The following SLC38A3 variants were observed in gnomAD, a reference collection of about 807,000 sequenced individuals.
SLC38A3 encodes the protein solute carrier family 38 member 3, also known as sodium-coupled neutral amino acid transporter 3.
A neutral mutation model predicts 59.5 loss-of-function variants in SLC38A3; 17 were observed. The ratio of observed to expected loss-of-function variants is 0.29; its 90% confidence interval spans 0.20 to 0.43. SLC38A3 has a LOEUF of 0.43. Ranked by LOEUF, SLC38A3 falls within the 20% of genes least tolerant of loss-of-function variation. The probability of loss-of-function intolerance (pLI) is 1.00; values close to 1 mark genes in which losing one functional copy is unlikely to be tolerated. For synonymous variants in SLC38A3, 238 were observed against 260.3 expected (o/e 0.91, Z 0.82); for missense variants, 454 against 653.9 (o/e 0.69, Z 3.33).
intron 1 of SLC38A3, among the ~76,000 whole-genome samples, chr3:50,211,784 T>TACTAG (rs762053331): frequency 6.6e-6 from 1 of 151,894 alleles, no homozygotes; most frequent in Non-Finnish European, 1.5e-5. Flanking sequence ...ATGGGGTTTT[T>TACTAG]CCATGTTGGT....
In SLC38A3 at chr3:50,214,036, G is replaced by C; in HGVS notation, c.-51-113G>C. 1 of 636,616 alleles carries C rather than the reference G, an allele frequency of 1.6e-6. No individual in the cohort carries two copies. The allele number at this position is 636,616 out of a possible 1,614,324, so 39.4% of individuals were successfully genotyped here. The stretch of plus-strand genomic sequence containing the variant: ...GGCAGTAGGCAGAGCTGCATGTGTG[G>C]ATATGCCCCGAGTGACCATCTGGGA... On this transcript the variant is annotated intron_variant, in intron 1 of 15. Coordinates refer to ENST00000614032, the MANE Select transcript of SLC38A3 (RefSeq NM_006841.6). This position sits in a 1 kb window ranked among gnomAD's most constrained non-coding sequence, Gnocchi z 6.0.
Position 50,215,468 on chromosome 3 carries a change from C to T in SLC38A3, c.373+9C>T. 1.9e-6 allele frequency: 3 copies of T among 1,613,934 alleles called. No individual in the cohort carries two copies. The highest frequency in any genetic ancestry group is 2.5e-6 in the Non-Finnish European group (3 of 1,179,836). On this transcript the variant is annotated intron_variant, in intron 5 of 15. Coordinates refer to ENST00000614032, the MANE Select transcript of SLC38A3 (RefSeq NM_006841.6). This position sits in a 1 kb window ranked among gnomAD's most constrained non-coding sequence, Gnocchi z 7.1. ...GTCCTCAGGGGTCGTGGGTGAGCCT[C>T]ACACCAGCCTGGAATGGGCGGGAGC... is the stretch of plus-strand genomic sequence containing the variant.
At position 50,218,221 on chromosome 3, in the gene SLC38A3, C is replaced by A; in HGVS notation, c.936-49C>A. On this transcript the variant is annotated intron_variant, in intron 11 of 15. Transcript: ENST00000614032. This position sits in a 1 kb window ranked among gnomAD's most constrained non-coding sequence, Gnocchi z 5.8. Reference sequence around the variant, plus strand: ...GAGCTTGGGGCACATGGGGGTCTCCCAATGTTACCCAGCTTGTCACCAACA... The same window carrying A: ...GAGCTTGGGGCACATGGGGGTCTCCAAATGTTACCCAGCTTGTCACCAACA... The A allele has an allele frequency of 7.4e-7, 1 of 1,353,216 alleles. No individual in the cohort carries two copies. Among genetic ancestry groups the A allele is most frequent in the Non-Finnish European group, 1.1e-6 (1 of 942,720 alleles). 83.8% of individuals were successfully genotyped at this position (1,353,216 alleles called of 1,614,324 possible).
At position 50,218,617 on chromosome 3, in the gene SLC38A3, A is replaced by G. The variant is rs778802442; in HGVS notation, c.1061A>G (p.His354Arg). Residue 354 changes from histidine (H) to arginine (R), a missense_variant, in exon 13 of 16, where the codon CAC becomes CGC. Physicochemically the swap from His to Arg is conservative, Grantham distance 29 (BLOSUM62 0). This residue lies in a region of SLC38A3 where 390 missense variants were observed against 557.9 expected (regional missense o/e 0.70). Transcript: ENST00000614032. The surrounding 1 kb of genome is among the most constrained non-coding windows in gnomAD (Gnocchi z 5.8). ...FYNGVESELL[H>R]TYSKVDPFDV... ...GACGGGGTGGAGTCGGAGCTGCTGC[A>G]CACCTACAGCAAGGTGGACCCGTTT... 7 of 1,613,278 alleles carry G rather than the reference A, an allele frequency of 4.3e-6. No individual in the cohort carries two copies. The highest frequency in any genetic ancestry group is 5.9e-6 in the Non-Finnish European group (7 of 1,179,710).
chr3:50,220,188 A>T lies in SLC38A3; in HGVS notation c.*11A>T. On this transcript the variant is annotated 3_prime_UTR_variant, in exon 16 of 16. Coordinates refer to ENST00000614032, the MANE Select transcript of SLC38A3 (RefSeq NM_006841.6). ...GGAGGAAACCACTAGGGTGACCCTCATCCTGTTCTGTCTACTCACCCTAGC... is the reference window on the plus strand; with the variant it reads ...GGAGGAAACCACTAGGGTGACCCTCTTCCTGTTCTGTCTACTCACCCTAGC... The T allele has an allele frequency of 6.4e-7, 1 of 1,565,644 alleles. No individual in the cohort carries two copies. Among genetic ancestry groups the T allele is most frequent in the Non-Finnish European group, 8.7e-7 (1 of 1,151,664 alleles).
intron 1 of SLC38A3, among the ~76,000 whole-genome samples, chr3:50,211,385 G>A (rs1699724917): frequency 1.3e-5 from 2 of 152,122 alleles, no homozygotes; most frequent in South Asian, 4.1e-4. Flanking sequence ...TATCAGGTTT[G>A]TCTGTTGCCA....
Position 50,218,864 on chromosome 3 carries a change from G to A in SLC38A3, c.1222G>A (p.Val408Met), listed in dbSNP as rs1393808021. ...PNQEFSWLRH[V>M]LIAVGLLTCI... ...CCAGGAGTTCAGCTGGCTGCGGCAT[G>A]TGCTTATTGCCGTTGGCCTGCTCAC... Residue 408 changes from valine (V) to methionine (M), a missense_variant, in exon 14 of 16, where the codon GTG becomes ATG. By Grantham distance (21) the Val-to-Met change is conservative. This residue lies in a region of SLC38A3 where 390 missense variants were observed against 557.9 expected (regional missense o/e 0.70). Coordinates refer to ENST00000614032, the MANE Select transcript of SLC38A3 (RefSeq NM_006841.6). The surrounding 1 kb of genome is among the most constrained non-coding windows in gnomAD (Gnocchi z 5.8). 17 of 1,613,556 alleles carry A rather than the reference G, an allele frequency of 1.1e-5. No homozygotes were observed. Among genetic ancestry groups the A allele is most frequent in the Middle Eastern group, 3.3e-4 (2 of 6,084 alleles).
intron 14 of SLC38A3, among the ~76,000 whole-genome samples, chr3:50,219,413 A>G (rs1394506254): frequency 2.0e-5 from 3 of 152,176 alleles, no homozygotes; most frequent in Admixed American, 6.5e-5. Flanking sequence ...GGGTGATCCA[A>G]CTCAGAGGAC....
Position 50,219,915 on chromosome 3 carries a change from C to T in SLC38A3, c.1341C>T (p.Phe447=). 1 of 1,613,456 alleles carries T rather than the reference C, an allele frequency of 6.2e-7. No homozygotes were observed. Among genetic ancestry groups the T allele is most frequent in the Non-Finnish European group, 8.5e-7 (1 of 1,179,706 alleles). The change falls in exon 15 of 16, where the codon TTC becomes TTT. Residue 447 remains phenylalanine, a synonymous_variant. Coordinates refer to ENST00000614032, the MANE Select transcript of SLC38A3 (RefSeq NM_006841.6). ...CTGCCCCATTCCTCATCTTCATCTT[C>T]CCTGCCATCTTCTACTTCCGAATCA... ...ATSAPFLIFI[F]PAIFYFRIMP... is the part of the protein sequence containing the mutation.
chr3:50,211,587 T>C (rs1281685463), intron 1 of SLC38A3, among the ~76,000 whole-genome samples: 5 of 141,470 alleles, frequency 3.5e-5, no homozygotes, highest in South Asian at 2.4e-4. Context: ...TTTTTTTTTT[T>C]TTTTTTTTCT....
chr3:50,214,418 C>A lies in SLC38A3; in HGVS notation c.118C>A (p.Arg40=). The change falls in exon 3 of 16, where the codon CGG becomes AGG. Residue 40 remains arginine (R), a synonymous_variant. Transcript: ENST00000614032. The surrounding 1 kb of genome is among the most constrained non-coding windows in gnomAD (Gnocchi z 6.0). ...AGNQRVEDPA[R]SCMEGKSFLQ... is the part of the protein sequence containing the mutation. The stretch of plus-strand genomic sequence containing the variant: ...TGCCTACAGGGTCGAGGACCCTGCA[C>A]GGAGCTGTATGGAGGGCAAGAGCTT... The A allele has an allele frequency of 6.3e-7, 1 of 1,584,982 alleles. No individual in the cohort carries two copies. Among genetic ancestry groups the A allele is most frequent in the Middle Eastern group, 1.7e-4 (1 of 6,036 alleles).
Position 50,215,135 on chromosome 3 carries a change from G to A in SLC38A3, c.300-251G>A, listed in dbSNP as rs1357463912. On this transcript the variant is annotated intron_variant, in intron 4 of 15. Coordinates refer to ENST00000614032, the MANE Select transcript of SLC38A3 (RefSeq NM_006841.6). The surrounding 1 kb of genome is among the most constrained non-coding windows in gnomAD (Gnocchi z 7.1). ...TGTTTCAAGGACTCAAGAGGAGGAC[G>A]TGCTCAGAGGGCAGTCACAGGGACA... The A allele has an allele frequency of 4.3e-5, 25 of 577,088 alleles. 1 individual carries two copies. In the East Asian group the frequency reaches 4.9e-4, roughly 11 times the overall value. 35.7% of individuals were successfully genotyped at this position (577,088 alleles called of 1,614,324 possible). A position where few individuals can be genotyped will look rare whatever the true frequency, so the allele number is the denominator to read the frequency against.
At position 50,218,858 on chromosome 3, in the gene SLC38A3, C is replaced by T. The variant is rs748944122; in HGVS notation, c.1216C>T (p.Arg406Trp). 1.2e-5 allele frequency: 20 copies of T among 1,613,152 alleles called. No individual in the cohort carries two copies. The highest frequency in any genetic ancestry group is 4.5e-5 in the East Asian group (2 of 44,876). Reference protein sequence around the residue: ...LFPNQEFSWLRHVLIAVGLLT... With the variant: ...LFPNQEFSWLWHVLIAVGLLT... ...TCCAAACCAGGAGTTCAGCTGGCTG[C>T]GGCATGTGCTTATTGCCGTTGGCCT... is the stretch of plus-strand genomic sequence containing the variant. Residue 406 changes from arginine (R) to tryptophan (W), a missense_variant, in exon 14 of 16, where the codon CGG becomes TGG. By Grantham distance (101) the Arg-to-Trp change is moderately radical. This residue lies in a region of SLC38A3 where 390 missense variants were observed against 557.9 expected (regional missense o/e 0.70). Transcript: ENST00000614032. This position sits in a 1 kb window ranked among gnomAD's most constrained non-coding sequence, Gnocchi z 5.8.
chr3:50,207,041 C>A lies in SLC38A3; in HGVS notation c.-52+1693C>A, dbSNP rs573537691. Among the ~76,000 whole-genome samples the A allele has an allele frequency of 9.3e-4, 141 of 152,310 alleles. No individual in the cohort carries two copies. In the Middle Eastern group the frequency reaches 0.014, roughly 15 times the overall value. On this transcript the variant is annotated intron_variant, in intron 1 of 15. Coordinates refer to ENST00000614032, the MANE Select transcript of SLC38A3 (RefSeq NM_006841.6). ...AGGATTTTAAGCTGAACTGGACACA[C>A]CCTGGAAGTCTGGGCTGGGTGTGAG... is the stretch of plus-strand genomic sequence containing the variant.
chr3:50,211,480 CT>C (rs756336324), intron 1 of SLC38A3, among the ~76,000 whole-genome samples: 2 of 147,738 alleles, frequency 1.4e-5, no homozygotes, highest in Non-Finnish European at 3.0e-5. Context: ...CTGGTACACT[CT>C]TTCCTGTTTG....
At chr3:50,219,835 A>C (rs759573830) in intron 14 of SLC38A3, 46 bp from the exon 15 acceptor site, 1 of 1,501,714 alleles carries the variant, frequency 6.7e-7, no homozygotes, top group South Asian at 1.2e-5. Flanking sequence ...AACCTTAGTC[A>C]GTAGGAGGAT....
rs1331727265 is a variant in SLC38A3, at chr3:50,215,476, C to G, written c.373+17C>G. On this transcript the variant is annotated intron_variant, in intron 5 of 15. Transcript: ENST00000614032. This position sits in a 1 kb window ranked among gnomAD's most constrained non-coding sequence, Gnocchi z 7.1. The stretch of plus-strand genomic sequence containing the variant: ...GGGTCGTGGGTGAGCCTCACACCAG[C>G]CTGGAATGGGCGGGAGCTGGTGGGT... 4 of 1,613,874 alleles carry G rather than the reference C, an allele frequency of 2.5e-6. No homozygotes were observed. In the South Asian group the frequency reaches 4.4e-5, roughly 18 times the overall value.
rs1559757024 is a variant in SLC38A3 at position 50,219,924 on chromosome 3, C to G, written c.1350C>G (p.Ile450Met). Residue 450 changes from isoleucine (I) to methionine (M), a missense_variant, in exon 15 of 16, where the codon ATC (isoleucine) becomes ATG (methionine). Ile to Met is a conservative substitution (Grantham distance 10, BLOSUM62 1). This residue lies in a region of SLC38A3 where 59 missense variants were observed against 70.8 expected (regional missense o/e 0.83). Coordinates refer to ENST00000614032, the MANE Select transcript of SLC38A3 (RefSeq NM_006841.6). Reference sequence around the variant, plus strand: ...TCCTCATCTTCATCTTCCCTGCCATCTTCTACTTCCGAATCATGCCCACGG... The same window carrying G: ...TCCTCATCTTCATCTTCCCTGCCATGTTCTACTTCCGAATCATGCCCACGG... ...APFLIFIFPAIFYFRIMPTEK... is the reference protein window; with the variant it reads ...APFLIFIFPAMFYFRIMPTEK... 6.2e-7 allele frequency: 1 copy of G among 1,613,432 alleles called. No individual in the cohort carries two copies. The highest frequency in any genetic ancestry group is 8.5e-7 in the Non-Finnish European group (1 of 1,179,726).
At chr3:50,209,648 C>CA (rs113482440) in intron 1 of SLC38A3, among the ~76,000 whole-genome samples, 5,203 of 114,678 alleles carry the variant, frequency 0.045, 338 homozygotes, top group African/African-American at 0.15. Flanking sequence ...GACTCCGTCT[C>CA]AAAAAAAAAA....
Sources: gnomAD v4.1 joint callset for allele counts (sites outside exome capture counted in the v4.1 genomes callset) on GRCh38, gnomAD v4.1.1 for gene constraint, gnomAD v4.1.1 regional missense constraint, Gnocchi (gnomAD v3.1) non-coding constraint, MANE v1.5 for transcripts, NCBI Gene and HGNC (gene_info 2026-07-23, HGNC 2026-07-21) for gene names.